Variants in TRIM13 observed in about 807,000 individuals in gnomAD.
The protein encoded by TRIM13 is E3 ubiquitin-protein ligase TRIM13.
A neutral mutation model predicts 27.1 loss-of-function variants in TRIM13; 15 were observed. The ratio of observed to expected loss-of-function variants is 0.55; its 90% CI spans 0.37 to 0.85. The LOEUF is 0.85. TRIM13 is among the 40% of genes least tolerant of loss of function. TRIM13 has a pLI of 0.00. For synonymous variants in TRIM13, 193 were observed against 171.5 expected, an observed-to-expected ratio of 1.13 and a Z score of -0.98; for missense variants, 402 against 472.2, an observed-to-expected ratio of 0.85 and a Z score of 1.38.
chr13:50,000,585 TAATAA>T (rs761409021), intron 1 of TRIM13, among the ~76,000 whole-genome samples: 5 of 152,210 alleles, frequency 3.3e-5, no homozygotes, highest in African/African-American at 7.2e-5. Flanking sequence ...GAAAGGCATG[TAATAA>T]AATAAGGGGA....
At chr13:50,001,615 A>G (rs1874054318) in intron 1 of TRIM13, among the ~76,000 whole-genome samples, 1 of 152,168 alleles carries the variant, frequency 6.6e-6, no homozygotes. Flanking sequence ...TCTTATATGG[A>G]CACATAGGTA....
rs762190191 is a variant in TRIM13 at position 49,997,759 on chromosome 13, CAG to C, written c.-8_-7del. On this transcript the variant is annotated splice_region_variant and 5_prime_UTR_variant, in exon 1 of 2. Transcript: ENST00000378182. ...GCCAAATACATCAGCTTGTAGGAGA[CAG>C]AGGTAAACTACAATAATTTTCCTGT... 1.5e-4 allele frequency: 22 copies of C among 151,222 alleles called. No individual in the cohort carries two copies. The highest frequency in any genetic ancestry group is 2.0e-4 in the Admixed American group (3 of 15,118). 9.4% of individuals were successfully genotyped at this position (151,222 alleles called of 1,614,324 possible). A position where few individuals can be genotyped will look rare whatever the true frequency, so the allele number is the denominator to read the frequency against.
rs1566447259 is a variant in TRIM13 at position 50,015,096 on chromosome 13, TATATATATATATATATATA to T, written c.*1933_*1951del. 8.3e-3 allele frequency: 411 copies of T among 49,666 alleles called. 46 individuals carry two copies. The highest frequency in any genetic ancestry group is 0.02 in the African/African-American group (168 of 8,242). 3.1% of individuals were successfully genotyped at this position (49,666 alleles called of 1,614,324 possible). On this transcript the variant is annotated 3_prime_UTR_variant, in exon 2 of 2. Transcript: ENST00000378182. ...GTAATAAAAAAAAAAAAAAAAAAAA[TATATATATATATATATATA>T]TATATATATATATATATATATATAT...
In TRIM13 at chr13:50,016,137, G is replaced by A. The variant is rs1876531277; in HGVS notation, c.*2973G>A. 8.4e-7 allele frequency: 1 copy of A among 1,196,218 alleles called. No individual in the cohort carries two copies. Among genetic ancestry groups the A allele is most frequent in the Non-Finnish European group, 1.2e-6 (1 of 832,102 alleles). 74.1% of individuals were successfully genotyped at this position (1,196,218 alleles called of 1,614,324 possible). ...GTGATGTTTTCTCTAAAAACTTGAA[G>A]TTCCTCAGGCCTGTAACTTCTGGAA... On this transcript the variant is annotated 3_prime_UTR_variant, in exon 2 of 2. Coordinates refer to ENST00000378182, the MANE Select transcript of TRIM13 (RefSeq NM_213590.3).
rs555884885 is a variant in TRIM13 at position 50,007,119 on chromosome 13, G to A, written c.-6-4816G>A. 1.8e-4 allele frequency among the ~76,000 whole-genome samples: 27 copies of A among 150,914 alleles called. No homozygotes were observed. In the East Asian group the frequency reaches 5.1e-3, roughly 29 times the overall value. ...AACCGCTTGAACCCGGGAGGCAGAG[G>A]TTGCAGTGAGCCGAGATTGTGCCAC... On this transcript the variant is annotated intron_variant, in intron 1 of 1. Coordinates refer to ENST00000378182, the MANE Select transcript of TRIM13 (RefSeq NM_213590.3).
intron 1 of TRIM13, among the ~76,000 whole-genome samples, chr13:50,009,472 C>T (rs1875265422): frequency 6.6e-6 from 1 of 152,048 alleles, no homozygotes; most frequent in Non-Finnish European, 1.5e-5. Flanking sequence ...CGCGGTGGCT[C>T]ACGCCTGTAA....
At position 50,015,085 on chromosome 13, in the gene TRIM13, AAAAAAAAAAATAT is replaced by A. The variant is rs1876233634; in HGVS notation, c.*1923_*1935del. 3.4e-5 allele frequency: 2 copies of A among 59,608 alleles called. No homozygotes were observed. The highest frequency in any genetic ancestry group is 8.1e-4 in the South Asian group (1 of 1,242). The allele number at this position is 59,608 out of a possible 1,614,324, so 3.7% of individuals were successfully genotyped here. On this transcript the variant is annotated 3_prime_UTR_variant, in exon 2 of 2. Coordinates refer to ENST00000378182, the MANE Select transcript of TRIM13 (RefSeq NM_213590.3). ...TTCCCCTCCCAGTAATAAAAAAAAA[AAAAAAAAAAATAT>A]ATATATATATATATATATATATATA...
intron 1 of TRIM13, among the ~76,000 whole-genome samples, chr13:50,004,807 G>A (rs1192614019): frequency 9.2e-5 from 14 of 151,746 alleles, no homozygotes; most frequent in African/African-American, 3.4e-4. Context: ...CAGGTGCGGT[G>A]GCTCACGCCT....
rs1555325172 is a variant in TRIM13 at position 50,014,687 on chromosome 13, CAAAG to C, written c.*1526_*1529del. The C allele has an allele frequency of 1.8e-5, 3 of 166,830 alleles. No homozygotes were observed. Among genetic ancestry groups the C allele is most frequent in the Middle Eastern group, 6.8e-3 (2 of 296 alleles). 10.3% of individuals were successfully genotyped at this position (166,830 alleles called of 1,614,324 possible). Reference sequence around the variant, plus strand: ...AACACCTTGCTTAGAATTCATATAACAAAGAAGTAACCTTATAACTGCTCTCTAG... The same window carrying C: ...AACACCTTGCTTAGAATTCATATAACAAGTAACCTTATAACTGCTCTCTAG... On this transcript the variant is annotated 3_prime_UTR_variant, in exon 2 of 2. Transcript: ENST00000378182.
intron 1 of TRIM13, among the ~76,000 whole-genome samples, chr13:50,006,580 A>G (rs1874735738): frequency 6.6e-6 from 1 of 152,130 alleles, no homozygotes. Context: ...GGAAGTGAAA[A>G]GTGTGGAGCA....
At chr13:50,006,455 G>A (rs1488053913) in intron 1 of TRIM13, among the ~76,000 whole-genome samples, 3 of 152,134 alleles carry the variant, frequency 2.0e-5, no homozygotes, top group Non-Finnish European at 4.4e-5. Context: ...ACATTGCAAG[G>A]ATGAGTAAAT....
chr13:50,015,670 T>G lies in TRIM13; in HGVS notation c.*2506T>G. 1 of 1,614,146 alleles carries G rather than the reference T, an allele frequency of 6.2e-7. No individual in the cohort carries two copies. The highest frequency in any genetic ancestry group is 8.5e-7 in the Non-Finnish European group (1 of 1,180,002). On this transcript the variant is annotated 3_prime_UTR_variant, in exon 2 of 2. Coordinates refer to ENST00000378182, the MANE Select transcript of TRIM13 (RefSeq NM_213590.3). ...TAGACAGAGATGGTGATTTGTTTAG[T>G]TTCATCTTAGATTTTTTGAGAACTC...
Position 50,007,108 on chromosome 13 carries a change from G to A in TRIM13, c.-6-4827G>A, listed in dbSNP as rs372380178. Reference sequence around the variant, plus strand: ...TGAGGCAGAGGAACCGCTTGAACCCGGGAGGCAGAGGTTGCAGTGAGCCGA... The same window carrying A: ...TGAGGCAGAGGAACCGCTTGAACCCAGGAGGCAGAGGTTGCAGTGAGCCGA... On this transcript the variant is annotated intron_variant, in intron 1 of 1. Transcript: ENST00000378182. 4.8e-4 allele frequency among the ~76,000 whole-genome samples: 73 copies of A among 151,904 alleles called. No individual in the cohort carries two copies. In the East Asian group the frequency reaches 9.5e-3, roughly 20 times the overall value.
intron 1 of TRIM13, among the ~76,000 whole-genome samples, chr13:50,010,195 C>T (rs2138406014): frequency 6.6e-6 from 1 of 152,072 alleles, no homozygotes; most frequent in South Asian, 2.1e-4. Flanking sequence ...ACTACAGGCG[C>T]ATGCCACCAT....
intron 1 of TRIM13, among the ~76,000 whole-genome samples, chr13:49,999,441 G>C (rs1392471631): frequency 3.3e-5 from 5 of 152,124 alleles, no homozygotes; most frequent in Non-Finnish European, 7.3e-5. Flanking sequence ...CCCACTCCTT[G>C]TGTGTGTCCA....
chr13:50,000,064 T>A (rs912526112), intron 1 of TRIM13, among the ~76,000 whole-genome samples: 2 of 152,276 alleles, frequency 1.3e-5, no homozygotes, highest in East Asian at 3.9e-4. Context: ...ACCCCATAAC[T>A]TTTATTACCA....
At position 50,013,059 on chromosome 13, in the gene TRIM13, A is replaced by G. The variant is rs776693819; in HGVS notation, c.1119A>G (p.Glu373=). The change falls in exon 2 of 2, where the codon GAA becomes GAG. Residue 373 remains glutamate, a synonymous_variant. Transcript: ENST00000378182. ...TAGAACAATCAGTTTTTTACTGGGAACAGGTGACAGATGGGTTTTTCATTT... is the reference window on the plus strand; with the variant it reads ...TAGAACAATCAGTTTTTTACTGGGAGCAGGTGACAGATGGGTTTTTCATTT... The part of the protein sequence containing the change: ...DFIEQSVFYW[E]QVTDGFFIFN... The G allele has an allele frequency of 1.9e-6, 3 of 1,614,040 alleles. No homozygotes were observed. In the South Asian group the frequency reaches 3.3e-5, roughly 18 times the overall value.
At chr13:50,004,307 A>C (rs913142130) in intron 1 of TRIM13, among the ~76,000 whole-genome samples, 1 of 152,082 alleles carries the variant, frequency 6.6e-6, no homozygotes. Flanking sequence ...AAAAAGTACA[A>C]AAATTAACTG....
At position 50,016,368 on chromosome 13, in the gene TRIM13, C is replaced by T. The variant is rs1428532288; in HGVS notation, c.*3204C>T. ...GAAAATAATTTTGTAGATTATGTTC[C>T]ATTGCTAATGAATTTGACTTAGAAA... On this transcript the variant is annotated 3_prime_UTR_variant, in exon 2 of 2. Transcript: ENST00000378182. 1 of 305,008 alleles carries T rather than the reference C, an allele frequency of 3.3e-6. No individual in the cohort carries two copies. Among genetic ancestry groups the T allele is most frequent in the African/African-American group, 2.2e-5 (1 of 45,740 alleles). 18.9% of individuals were successfully genotyped at this position (305,008 alleles called of 1,614,324 possible).
Sources: gnomAD v4.1 joint callset for allele counts (sites outside exome capture counted in the v4.1 genomes callset) on GRCh38, gnomAD v4.1.1 for gene constraint, MANE v1.5 for transcripts, NCBI Gene and HGNC (gene_info 2026-07-23, HGNC 2026-07-21) for gene names.